DNAH14: variants seen among roughly 807,000 people sequenced by gnomAD.
DNAH14 encodes axonemal beta dynein heavy chain 14.
DNAH14 carries 478 observed loss-of-function variants against 520.9 expected under a neutral mutation model. The observed-to-expected ratio is 0.92, with a 90% confidence interval of 0.85 to 0.99. The LOEUF is 0.99. Among genes scored for constraint, DNAH14 ranks in the 50% least tolerant of loss-of-function variants. The probability of loss-of-function intolerance (pLI) is 0.00; values close to 1 mark genes in which losing one functional copy is unlikely to be tolerated. For missense variants in DNAH14, 4,831 were observed against 5,234.5 expected, an observed-to-expected ratio of 0.92 and a Z score of 2.38; for synonymous variants, 1,581 against 1,757.2, an observed-to-expected ratio of 0.90 and a Z score of 2.51.
chr1:225,375,147 T>G (rs891992679), intron 78 of DNAH14, among the ~76,000 whole-genome samples: 2 of 152,044 alleles, frequency 1.3e-5, no homozygotes, highest in African/African-American at 4.8e-5. Flanking sequence ...AAGCTAACAT[T>G]TATAAATCAA....
chr1:225,231,750 G>A lies in DNAH14; in HGVS notation c.6518+599G>A, dbSNP rs115337140. On this transcript the variant is annotated intron_variant, in intron 42 of 85. Transcript: ENST00000682510. ...CCTTAAAATCCACTCACTTATCTAC[G>A]TCTTGATTATGGCATTCTAACCCAA... is the stretch of plus-strand genomic sequence containing the variant. Among the ~76,000 whole-genome samples the A allele has an allele frequency of 4.6e-3, 694 of 152,124 alleles. 4 individuals carry two copies. Among genetic ancestry groups the A allele is most frequent in the African/African-American group, 0.016 (654 of 41,504 alleles).
At position 224,974,112 on chromosome 1, in the gene DNAH14, C is replaced by G; in HGVS notation, c.789C>G (p.Thr263=). ...SDFRMNKAFV[T]WKLNVKRIKT... ...TCAGAATGAATAAAGCATTTGTTAC[C>G]TGGAAATTGAATGTTAAAAGAATTA... The change falls in exon 8 of 86, where the codon ACC becomes ACG. Residue 263 remains threonine, a synonymous_variant. Coordinates refer to ENST00000682510, the MANE Select transcript of DNAH14 (RefSeq NM_001367479.1). The G allele has an allele frequency of 6.7e-7, 1 of 1,497,900 alleles. No individual in the cohort carries two copies. The allele number at this position is 1,497,900 out of a possible 1,614,324, so 92.8% of individuals were successfully genotyped here.
chr1:225,281,187 A>G (rs1050937176), intron 54 of DNAH14, among the ~76,000 whole-genome samples: 16 of 152,220 alleles, frequency 1.1e-4, no homozygotes, highest in Admixed American at 7.8e-4. Flanking sequence ...AGGTATAGGT[A>G]TGACTGCATT....
At chr1:225,364,951 G>A in intron 76 of DNAH14, 57 bp downstream of exon 76, 1 of 1,193,862 alleles carries the variant, frequency 8.4e-7, no homozygotes, top group Non-Finnish European at 1.2e-6. Context: ...TTGAATGCAA[G>A]TCATCTTACA....
At chr1:225,351,081 T>C (rs1306613425) in intron 71 of DNAH14, among the ~76,000 whole-genome samples, 1 of 152,174 alleles carries the variant, frequency 6.6e-6, no homozygotes, top group Non-Finnish European at 1.5e-5. Flanking sequence ...TATGAATATA[T>C]TTAACACTAC....
chr1:225,340,557 G>A lies in DNAH14; in HGVS notation c.10534G>A (p.Asp3512Asn). 6.4e-7 allele frequency: 1 copy of A among 1,551,404 alleles called. No homozygotes were observed. Among genetic ancestry groups the A allele is most frequent in the Non-Finnish European group, 8.7e-7 (1 of 1,146,872 alleles). Reference protein sequence around the residue: ...NFTVTFQGLQDQLLSTVVTHE... With the variant: ...NFTVTFQGLQNQLLSTVVTHE... The stretch of plus-strand genomic sequence containing the variant: ...CACTGTAACATTCCAAGGTTTGCAA[G>A]ATCAACTCTTGTCTACTGTGGTAAC... Residue 3512 changes from aspartate to asparagine, a missense_variant, in exon 69 of 86, where the codon GAT becomes AAT. Transcript: ENST00000682510.
At chr1:225,334,870 C>A in intron 66 of DNAH14, among the ~76,000 whole-genome samples, 1 of 139,470 alleles carries the variant, frequency 7.2e-6, no homozygotes, top group Non-Finnish European at 1.5e-5. Flanking sequence ...CTCTGTCTCT[C>A]TCTCTACATA....
intron 55 of DNAH14, among the ~76,000 whole-genome samples, chr1:225,294,628 C>T (rs1400769633): frequency 6.6e-6 from 1 of 152,026 alleles, no homozygotes; most frequent in East Asian, 1.9e-4. Context: ...CAAGACCAGC[C>T]TGGCCAACAT....
At chr1:225,112,305 A>C (rs1453287375) in intron 23 of DNAH14, among the ~76,000 whole-genome samples, 1 of 152,136 alleles carries the variant, frequency 6.6e-6, no homozygotes, top group Admixed American at 6.5e-5. Context: ...CTCTTGGCCT[A>C]TAAGGTTTCC....
At chr1:224,951,596 C>T (rs1033096752) in intron 1 of DNAH14, among the ~76,000 whole-genome samples, 2 of 149,208 alleles carry the variant, frequency 1.3e-5, no homozygotes, top group Non-Finnish European at 3.0e-5. Flanking sequence ...GACTGTCCTA[C>T]ATTGATGTTA....
At position 224,968,784 on chromosome 1, in the gene DNAH14, A is replaced by G. The variant is rs1273007714; in HGVS notation, c.677A>G (p.Lys226Arg). Residue 226 changes from lysine to arginine, a missense_variant, in exon 7 of 86, where the codon AAG becomes AGG. Physicochemically the swap from Lys to Arg is conservative, Grantham distance 26. Coordinates refer to ENST00000682510, the MANE Select transcript of DNAH14 (RefSeq NM_001367479.1). ...GTTATTAATATAGTTGGTAGTGTAA[A>G]GGAAGTAGAACTCATACCTACTTTG... ...SKVINIVGSV[K>R]EVELIPTLEW... is the part of the protein sequence containing the mutation. 11 of 1,526,182 alleles carry G rather than the reference A, an allele frequency of 7.2e-6. No homozygotes were observed. The South Asian group carries it at 1.0e-4, about 14-fold the overall frequency. 94.5% of individuals were successfully genotyped at this position (1,526,182 alleles called of 1,614,324 possible).
rs2073692989 is a variant in DNAH14, at chr1:225,085,775, A to G, written c.3559A>G (p.Ile1187Val). 1.9e-6 allele frequency: 3 copies of G among 1,546,026 alleles called. No individual in the cohort carries two copies. The highest frequency in any genetic ancestry group is 2.6e-6 in the Non-Finnish European group (3 of 1,145,272). ...TGCAACAATTAAAGGATCTCCCCACATTGGGCCCATTAAGGTAAGTATTAT... is the reference window on the plus strand; with the variant it reads ...TGCAACAATTAAAGGATCTCCCCACGTTGGGCCCATTAAGGTAAGTATTAT... ...ILATIKGSPH[I>V]GPIKDLVNEW... Residue 1187 changes from isoleucine to valine, a missense_variant, in exon 21 of 86, where the codon ATT (isoleucine) becomes GTT (valine). Coordinates refer to ENST00000682510, the MANE Select transcript of DNAH14 (RefSeq NM_001367479.1).
intron 33 of DNAH14, 140 bp downstream of exon 33, chr1:225,153,023 T>A (rs2080660244): frequency 1.1e-6 from 1 of 910,284 alleles, no homozygotes; most frequent in African/African-American, 1.7e-5. Context: ...ATAATGGAGC[T>A]AGAATTTCCA....
intron 11 of DNAH14, among the ~76,000 whole-genome samples, chr1:225,030,031 AT>A: frequency 6.6e-6 from 1 of 152,114 alleles, no homozygotes; most frequent in Admixed American, 6.6e-5. Flanking sequence ...ACTTAAAATG[AT>A]TAAAATACAA....
At position 225,240,678 on chromosome 1, in the gene DNAH14, G is replaced by A; in HGVS notation, c.6604G>A (p.Ala2202Thr). The change falls in exon 43 of 86, where the codon GCA becomes ACA. Residue 2202 changes from alanine to threonine, a missense_variant. By Grantham distance (58) the Ala-to-Thr change is moderately conservative. Transcript: ENST00000682510. ...QKLFVFAFTWAFGGALNREDE... is the reference protein window; with the variant it reads ...QKLFVFAFTWTFGGALNREDE... Reference sequence around the variant, plus strand: ...GCTTTTTGTGTTTGCCTTTACTTGGGCATTTGGAGGAGCTTTAAACCGTGA... The same window carrying A: ...GCTTTTTGTGTTTGCCTTTACTTGGACATTTGGAGGAGCTTTAAACCGTGA... 6.4e-7 allele frequency: 1 copy of A among 1,550,810 alleles called. No homozygotes were observed. The highest frequency in any genetic ancestry group is 8.7e-7 in the Non-Finnish European group (1 of 1,146,516).
chr1:225,240,501 T>A, intron 42 of DNAH14, 92 bp from the exon 43 acceptor site: 2 of 773,606 alleles, frequency 2.6e-6, no homozygotes, highest in Non-Finnish European at 4.0e-6. Flanking sequence ...TTTTTAATAA[T>A]GAAACTTTAA....
chr1:225,314,377 T>C (rs1406655139), intron 60 of DNAH14, among the ~76,000 whole-genome samples: 1 of 152,200 alleles, frequency 6.6e-6, no homozygotes, highest in Non-Finnish European at 1.5e-5. Context: ...CAGTGGGTCT[T>C]GACTTTATCC....
chr1:225,286,104 G>A (rs997193213), intron 54 of DNAH14, among the ~76,000 whole-genome samples: 20 of 152,110 alleles, frequency 1.3e-4, no homozygotes, highest in Non-Finnish European at 1.0e-4. Flanking sequence ...AACAAAATTC[G>A]AACTCACAGA....
At position 225,313,415 on chromosome 1, in the gene DNAH14, A is replaced by G. The variant is rs550262368; in HGVS notation, c.9240+5005A>G. 3.4e-4 allele frequency among the ~76,000 whole-genome samples: 51 copies of G among 152,230 alleles called. No homozygotes were observed. In the South Asian group the frequency reaches 0.01, roughly 31 times the overall value. On this transcript the variant is annotated intron_variant, in intron 60 of 85. Transcript: ENST00000682510. ...AGCTCATGGATTCATAGATGTTTTG[A>G]AGGTTTTCTTGCGTCTCTATCTCCT...
Sources: gnomAD v4.1 joint callset for allele counts (sites outside exome capture counted in the v4.1 genomes callset) on GRCh38, gnomAD v4.1.1 for gene constraint, MANE v1.5 for transcripts, NCBI Gene and HGNC (gene_info 2026-07-23, HGNC 2026-07-21) for gene names.